Variants in SGK1 observed in about 807,000 individuals in gnomAD.
SGK1 encodes the protein serine/threonine-protein kinase Sgk1.
Under a neutral mutation model 64.2 loss-of-function variants are expected in SGK1, and 26 were observed. That is an observed-to-expected ratio of 0.40 (90% CI 0.30 to 0.56). The LOEUF (loss-of-function observed/expected upper bound fraction) is 0.56, where lower values mean the gene tolerates loss of function less well. SGK1 is among the 20% of genes least tolerant of loss of function. The pLI, the probability that SGK1 is intolerant of heterozygous loss-of-function variation, is 0.38. For synonymous variants in SGK1, 265 were observed against 239.7 expected, an observed-to-expected ratio of 1.11 and a Z score of -0.98; for missense variants, 519 against 645.6, an observed-to-expected ratio of 0.80 and a Z score of 2.12.
chr6:134,317,509 T>A lies in SGK1; in HGVS notation c.-49A>T. The A allele has an allele frequency of 9.0e-7, 1 of 1,113,018 alleles. No individual in the cohort carries two copies. Among genetic ancestry groups the A allele is most frequent in the Non-Finnish European group, 1.4e-6 (1 of 721,974 alleles). 68.9% of individuals were successfully genotyped at this position (1,113,018 alleles called of 1,614,324 possible). On this transcript the variant is annotated 5_prime_UTR_variant, in exon 1 of 14. Coordinates refer to ENST00000367858, the MANE Select transcript of SGK1 (RefSeq NM_001143676.3). ...TTATAGATCCAGGTTGGCACCCGCC[T>A]GGTTAGTGCATATCTGTTTCCCCGG...
chr6:134,189,321 G>A (rs1195611066), intron 3 of SGK1, among the ~76,000 whole-genome samples: 1 of 151,752 alleles, frequency 6.6e-6, no homozygotes, highest in Non-Finnish European at 1.5e-5. Flanking sequence ...TCATTTCACA[G>A]AAGATACAAA....
At chr6:134,203,791 C>T (rs559414953) in intron 3 of SGK1, among the ~76,000 whole-genome samples, 48 of 152,154 alleles carry the variant, frequency 3.2e-4, no homozygotes, top group African/African-American at 8.2e-4. Context: ...TGGTTGGGCA[C>T]GGTGGCTCAT....
chr6:134,212,279 T>G (rs1226064812), intron 2 of SGK1, among the ~76,000 whole-genome samples: 5 of 152,100 alleles, frequency 3.3e-5, no homozygotes, highest in African/African-American at 1.2e-4. Context: ...GGTCTTGATC[T>G]CCTGACCTCG....
intron 2 of SGK1, among the ~76,000 whole-genome samples, chr6:134,220,297 T>G (rs1776069854): frequency 6.6e-6 from 1 of 152,030 alleles, no homozygotes; most frequent in Non-Finnish European, 1.5e-5. Context: ...TAGAAGATAT[T>G]TAACAGATGA....
At chr6:134,185,088 A>T (rs1251203547) in intron 3 of SGK1, among the ~76,000 whole-genome samples, 1 of 152,244 alleles carries the variant, frequency 6.6e-6, no homozygotes, top group South Asian at 2.1e-4. Flanking sequence ...AATGGTTTGC[A>T]TTAAACCCCC....
chr6:134,234,301 G>A (rs1012519881), intron 2 of SGK1, among the ~76,000 whole-genome samples: 1 of 152,116 alleles, frequency 6.6e-6, no homozygotes, highest in African/African-American at 2.4e-5. Context: ...TACTCAGGAG[G>A]CTGAGGCAGG....
intron 3 of SGK1, among the ~76,000 whole-genome samples, chr6:134,190,733 T>C (rs992343374): frequency 3.3e-5 from 5 of 152,220 alleles, no homozygotes; most frequent in African/African-American, 4.8e-5. Flanking sequence ...CTGCTATTCC[T>C]TTTCTATCTC....
intron 1 of SGK1, among the ~76,000 whole-genome samples, chr6:134,314,437 G>A (rs918900369): frequency 5.3e-5 from 8 of 152,138 alleles, no homozygotes; most frequent in Admixed American, 1.3e-4. Context: ...TCTGGATTAC[G>A]TATACAAGCT....
chr6:134,174,713 G>C, intron 3 of SGK1, 127 bp from the exon 4 acceptor site: 1 of 1,614,020 alleles, frequency 6.2e-7, no homozygotes, highest in East Asian at 2.2e-5. Flanking sequence ...CAGAAGTCCC[G>C]CAAGATTCCT....
chr6:134,215,607 G>A (rs891618395), intron 2 of SGK1, among the ~76,000 whole-genome samples: 54 of 152,094 alleles, frequency 3.6e-4, no homozygotes, highest in South Asian at 2.1e-4. Flanking sequence ...GCACATGCGC[G>A]CGGTGGCTCA....
chr6:134,174,150 G>A, intron 4 of SGK1, 70 bp from the exon 5 acceptor site: 1 of 1,131,088 alleles, frequency 8.8e-7, no homozygotes, highest in East Asian at 2.4e-5. Context: ...TCAAAAGTGA[G>A]TTTCTGGCTC....
Position 134,297,068 on chromosome 6 carries a change from A to T in SGK1, c.69+20324T>A, listed in dbSNP as rs370058928. On this transcript the variant is annotated intron_variant, in intron 1 of 13. Coordinates refer to ENST00000367858, the MANE Select transcript of SGK1 (RefSeq NM_001143676.3). ...GGGTCTCGATCTTCTTCACAACCACAGCCCTGGTGGAGCTGATGTGGCTGA... is the reference window on the plus strand; with the variant it reads ...GGGTCTCGATCTTCTTCACAACCACTGCCCTGGTGGAGCTGATGTGGCTGA... 8.2e-5 allele frequency: 39 copies of T among 472,886 alleles called. No homozygotes were observed. In the East Asian group the frequency reaches 1.8e-3, roughly 22 times the overall value. The allele number at this position is 472,886 out of a possible 1,614,324, so 29.3% of individuals were successfully genotyped here.
At chr6:134,239,230 A>G (rs72972295) in intron 2 of SGK1, among the ~76,000 whole-genome samples, 7,008 of 152,260 alleles carry the variant, frequency 0.046, 216 homozygotes, top group African/African-American at 0.083. Flanking sequence ...AAAGAACCTC[A>G]TTGTGCTGCT....
chr6:134,189,548 T>C (rs1234147174), intron 3 of SGK1, among the ~76,000 whole-genome samples: 2 of 152,210 alleles, frequency 1.3e-5, no homozygotes, highest in Non-Finnish European at 2.9e-5. Flanking sequence ...TCTACTTATT[T>C]AGAGCAAATG....
At chr6:134,217,371 A>G (rs532559447) in intron 2 of SGK1, among the ~76,000 whole-genome samples, 2 of 152,296 alleles carry the variant, frequency 1.3e-5, no homozygotes, top group East Asian at 3.9e-4. Flanking sequence ...GCAGGCCTGC[A>G]GAATGCGTGT....
intron 2 of SGK1, among the ~76,000 whole-genome samples, chr6:134,247,438 A>C (rs1306523474): frequency 1.3e-5 from 2 of 152,184 alleles, no homozygotes; most frequent in Non-Finnish European, 2.9e-5. Context: ...CAAAGCCACA[A>C]ACACAGAACT....
intron 2 of SGK1, among the ~76,000 whole-genome samples, chr6:134,233,586 AC>A (rs1776321753): frequency 6.6e-6 from 1 of 152,152 alleles, no homozygotes; most frequent in African/African-American, 2.4e-5. Flanking sequence ...GAAGGCCTGA[AC>A]CCTCATAGAG....
chr6:134,241,048 C>CTTTTTTTTTTT (rs10686058), intron 2 of SGK1, among the ~76,000 whole-genome samples: 35 of 74,104 alleles, frequency 4.7e-4, no homozygotes, highest in Middle Eastern at 0.01. Context: ...TTCTTTTTTT[C>CTTTTTTTTTTT]TTTTTTTTTT....
At chr6:134,245,901 C>T (rs568450064) in intron 2 of SGK1, among the ~76,000 whole-genome samples, 1 of 152,312 alleles carries the variant, frequency 6.6e-6, no homozygotes, top group African/African-American at 2.4e-5. Flanking sequence ...GACTTGTTCT[C>T]ACTTGTTCTA....
Sources: allele counts gnomAD v4.1 joint callset (sites outside exome capture counted in the v4.1 genomes callset), GRCh38; gene constraint gnomAD v4.1.1; transcripts MANE v1.5; gene names NCBI Gene and HGNC (gene_info 2026-07-23, HGNC 2026-07-21).